Variants in STARD13 observed in about 807,000 individuals in gnomAD.
STARD13 encodes the protein stAR-related lipid transfer protein 13.
Under a neutral mutation model 106.4 loss-of-function variants are expected in STARD13, and 62 were observed. That is an observed-to-expected ratio of 0.58 (90% confidence interval 0.48 to 0.72). The LOEUF (loss-of-function observed/expected upper bound fraction) is 0.72, where lower values mean the gene tolerates loss of function less well. STARD13 is among the 30% of genes least tolerant of loss of function. The pLI, the probability that STARD13 is intolerant of heterozygous loss-of-function variation, is 0.00. For synonymous variants in STARD13, 565 were observed against 553.0 expected (o/e 1.02, Z -0.31); for missense variants, 1,387 against 1,424.0 (o/e 0.97, Z 0.42).
the STARD13 span, among the ~76,000 whole-genome samples, chr13:33,545,257 G>A: frequency 6.6e-6 from 1 of 151,950 alleles, no homozygotes; most frequent in Admixed American, 6.6e-5. Flanking sequence ...ACCGCGCCTG[G>A]CCTAATTTTT....
the STARD13 span, among the ~76,000 whole-genome samples, chr13:33,380,465 A>C: frequency 2.2e-4 from 25 of 111,934 alleles, no homozygotes; most frequent in East Asian, 5.8e-4. Flanking sequence ...ACACACACAC[A>C]CCCCCACCCC....
chr13:33,239,319 T>C (rs530685126), intron 1 of STARD13, among the ~76,000 whole-genome samples: 1 of 152,336 alleles, frequency 6.6e-6, no homozygotes, highest in South Asian at 2.1e-4. Context: ...TTGGCTAGTG[T>C]GACTGACACA....
chr13:33,128,498 A>C (rs1877588593), intron 5 of STARD13, among the ~76,000 whole-genome samples: 1 of 152,186 alleles, frequency 6.6e-6, no homozygotes. Context: ...CAGAGTACAC[A>C]TCTTAGGCCT....
chr13:33,127,639 G>C (rs1215213111), intron 5 of STARD13, 93 bp from the exon 6 acceptor site: 1 of 1,282,292 alleles, frequency 7.8e-7, no homozygotes, highest in South Asian at 1.5e-5. Context: ...AGCTAATCAA[G>C]ATAGCAGCCG....
the STARD13 span, among the ~76,000 whole-genome samples, chr13:33,476,501 G>T: frequency 6.6e-6 from 1 of 152,124 alleles, no homozygotes; most frequent in African/African-American, 2.4e-5. Context: ...TAAGTAAAAG[G>T]AGATCATTTA....
chr13:33,339,672 G>C (rs1170802423), intron 1 of STARD13, among the ~76,000 whole-genome samples: 1 of 152,182 alleles, frequency 6.6e-6, no homozygotes, highest in Non-Finnish European at 1.5e-5. Context: ...TGTCTAGAAA[G>C]AATAAAACCT....
chr13:33,415,142 G>A, the STARD13 span, among the ~76,000 whole-genome samples: 4 of 152,328 alleles, frequency 2.6e-5, no homozygotes, highest in African/African-American at 9.6e-5. Context: ...GCCGAGGCGG[G>A]CGGATCACTA....
the STARD13 span, among the ~76,000 whole-genome samples, chr13:33,506,985 C>T: frequency 6.6e-6 from 1 of 152,078 alleles, no homozygotes; most frequent in Non-Finnish European, 1.5e-5. Context: ...CCTGTAGTCC[C>T]AGCTACTTAG....
At chr13:33,473,695 G>A in the STARD13 span, among the ~76,000 whole-genome samples, 3 of 152,140 alleles carry the variant, frequency 2.0e-5, no homozygotes, top group Non-Finnish European at 4.4e-5. Flanking sequence ...CTTCTAAGCA[G>A]CTGTCCACCC....
At chr13:33,585,610 C>G in the STARD13 span, among the ~76,000 whole-genome samples, 1 of 152,198 alleles carries the variant, frequency 6.6e-6, no homozygotes, top group African/African-American at 2.4e-5. Context: ...GGGAGGATCA[C>G]TTGAGCCAAG....
intron 3 of STARD13, among the ~76,000 whole-genome samples, chr13:33,157,837 A>C (rs138659155): frequency 6.6e-6 from 1 of 152,362 alleles, no homozygotes; most frequent in East Asian, 1.9e-4. Flanking sequence ...CCTAAAGGTT[A>C]CAAACTCTGT....
At chr13:33,590,377 C>T in the STARD13 span, among the ~76,000 whole-genome samples, 2 of 152,156 alleles carry the variant, frequency 1.3e-5, no homozygotes, top group East Asian at 1.9e-4. Context: ...ATAAATCATG[C>T]TCTCCTAAAG....
the STARD13 span, among the ~76,000 whole-genome samples, chr13:33,669,493 C>G: frequency 6.0e-5 from 9 of 150,532 alleles, no homozygotes; most frequent in Non-Finnish European, 8.8e-5. Flanking sequence ...GGAATCTTAC[C>G]CATGCTCACT....
chr13:33,472,524 C>T, the STARD13 span, among the ~76,000 whole-genome samples: 2 of 152,088 alleles, frequency 1.3e-5, no homozygotes, highest in East Asian at 3.9e-4. Flanking sequence ...AGTACCCTCC[C>T]CTCAGTTGCG....
At chr13:33,548,337 C>T in the STARD13 span, among the ~76,000 whole-genome samples, 20 of 151,996 alleles carry the variant, frequency 1.3e-4, 1 homozygote, top group Admixed American at 1.2e-3. Flanking sequence ...ATGTTCTTAG[C>T]ATGCAACTGT....
At chr13:33,245,970 T>C (rs1889805444) in intron 1 of STARD13, among the ~76,000 whole-genome samples, 3 of 152,206 alleles carry the variant, frequency 2.0e-5, no homozygotes, top group South Asian at 2.1e-4. Flanking sequence ...AAGAATGATA[T>C]AGCCTAAGGA....
At chr13:33,163,605 A>AAATATAT (rs1555239808) in intron 3 of STARD13, among the ~76,000 whole-genome samples, 1 of 97,630 alleles carries the variant, frequency 1.0e-5, no homozygotes, top group Admixed American at 1.2e-4. Context: ...AAAAAAAAAA[A>AAATATAT]ATATATATAT....
At chr13:33,576,004 A>G in the STARD13 span, among the ~76,000 whole-genome samples, 2 of 152,296 alleles carry the variant, frequency 1.3e-5, no homozygotes, top group African/African-American at 4.8e-5. Flanking sequence ...CTTTAACTGC[A>G]AAGACCTTGA....
the STARD13 span, among the ~76,000 whole-genome samples, chr13:33,388,806 C>A: frequency 6.6e-6 from 1 of 152,148 alleles, no homozygotes; most frequent in Admixed American, 6.5e-5. Context: ...CAAACCTAAT[C>A]TCAGTAGCCT....
Sources: allele counts gnomAD v4.1 joint callset (sites outside exome capture counted in the v4.1 genomes callset), GRCh38; gene constraint gnomAD v4.1.1; transcripts MANE v1.5; gene names NCBI Gene and HGNC (gene_info 2026-07-23, HGNC 2026-07-21).